Variants in SYNDIG1L observed in about 807,000 individuals in gnomAD.
SYNDIG1L encodes the protein synapse differentiation-inducing gene protein 1-like.
SYNDIG1L carries 13 observed loss-of-function variants against 20.1 expected under a neutral mutation model. The observed-to-expected ratio is 0.65, with a 90% CI of 0.42 to 1.03. The LOEUF is 1.03. SYNDIG1L is among the 50% of genes least tolerant of loss of function. The probability of loss-of-function intolerance (pLI) is 0.00; values close to 1 mark genes in which losing one functional copy is unlikely to be tolerated. For synonymous variants in SYNDIG1L, 128 were observed against 129.3 expected, an observed-to-expected ratio of 0.99 and a Z score of 0.07; for missense variants, 294 against 305.1, an observed-to-expected ratio of 0.96 and a Z score of 0.27.
the SYNDIG1L span, among the ~76,000 whole-genome samples, chr14:74,453,113 A>C: frequency 6.6e-6 from 1 of 152,050 alleles, no homozygotes; most frequent in African/African-American, 2.4e-5. Flanking sequence ...TTGGGAGCAC[A>C]AGGCAGGTGG....
At chr14:74,470,687 C>G in the SYNDIG1L span, among the ~76,000 whole-genome samples, 2 of 152,176 alleles carry the variant, frequency 1.3e-5, no homozygotes, top group Non-Finnish European at 1.5e-5. Flanking sequence ...CATCTCAGCC[C>G]CTGCTGAAAA....
the SYNDIG1L span, among the ~76,000 whole-genome samples, chr14:74,457,964 A>AT: frequency 6.6e-5 from 10 of 151,240 alleles, no homozygotes; most frequent in African/African-American, 1.5e-4. Flanking sequence ...TGCCTAGCTA[A>AT]TTTTTTTTTA....
the SYNDIG1L span, among the ~76,000 whole-genome samples, chr14:74,446,111 A>G: frequency 6.6e-6 from 1 of 152,200 alleles, no homozygotes; most frequent in Admixed American, 6.5e-5. Flanking sequence ...GCAAGAAAGT[A>G]AGGAATTTAA....
chr14:74,429,004 A>G (rs1022604540), upstream of SYNDIG1L, among the ~76,000 whole-genome samples: 2 of 152,222 alleles, frequency 1.3e-5, no homozygotes, highest in African/African-American at 4.8e-5. Context: ...GCTTAGCACC[A>G]TAGCCCCTCA....
chr14:74,406,275 G>A lies in SYNDIG1L; in HGVS notation c.*1260C>T. The A allele has an allele frequency of 2.5e-6, 1 of 394,788 alleles. No homozygotes were observed. The highest frequency in any genetic ancestry group is 4.5e-6 in the Non-Finnish European group (1 of 224,258). The allele number at this position is 394,788 out of a possible 1,614,324, so 24.5% of individuals were successfully genotyped here. On this transcript the variant is annotated 3_prime_UTR_variant, in exon 4 of 4. Transcript: ENST00000331628. ...CCAGGTACCCACCACTGACCCCCTA[G>A]CATTCAGAGATGGGAAAACATCATT...
chr14:74,468,564 C>T, the SYNDIG1L span, among the ~76,000 whole-genome samples: 5 of 152,236 alleles, frequency 3.3e-5, no homozygotes, highest in African/African-American at 1.2e-4. Flanking sequence ...CTGCATGGAC[C>T]CTGTGTTCCA....
At chr14:74,413,594 T>C (rs2086150395) in intron 1 of SYNDIG1L, among the ~76,000 whole-genome samples, 1 of 150,218 alleles carries the variant, frequency 6.7e-6, no homozygotes, top group African/African-American at 2.5e-5. Flanking sequence ...TTTTTTCTGT[T>C]TTCCACATTT....
chr14:74,413,489 G>A lies in SYNDIG1L; in HGVS notation c.-57-3688C>T, dbSNP rs917849217. Among the ~76,000 whole-genome samples the A allele has an allele frequency of 1.3e-5, 2 of 152,178 alleles. 1 individual carries two copies. Among genetic ancestry groups the A allele is most frequent in the South Asian group, 4.1e-4 (2 of 4,836 alleles). On this transcript the variant is annotated intron_variant, in intron 1 of 3. Coordinates refer to ENST00000331628, the MANE Select transcript of SYNDIG1L (RefSeq NM_001105579.2). ...TCGGTGAGAAAGAAGAAAAGAAAAT[G>A]GTAAATGCATGTAATCTCAACTCCG...
At chr14:74,413,086 G>C (rs1479773119) in intron 1 of SYNDIG1L, among the ~76,000 whole-genome samples, 6 of 152,172 alleles carry the variant, frequency 3.9e-5, no homozygotes, top group African/African-American at 1.2e-4. Flanking sequence ...AAGACCATAG[G>C]GGCATTTGAA....
chr14:74,435,354 C>T, the SYNDIG1L span, among the ~76,000 whole-genome samples: 1 of 152,192 alleles, frequency 6.6e-6, no homozygotes, highest in African/African-American at 2.4e-5. Context: ...GCACAGTGTA[C>T]AAAGGCTGCT....
At chr14:74,450,664 A>C in the SYNDIG1L span, among the ~76,000 whole-genome samples, 5 of 152,184 alleles carry the variant, frequency 3.3e-5, no homozygotes, top group East Asian at 7.7e-4. Flanking sequence ...AGAACATAAC[A>C]ATTCCAGACA....
At chr14:74,432,140 G>GGTGTGTGTGT in the SYNDIG1L span, among the ~76,000 whole-genome samples, 210 of 121,056 alleles carry the variant, frequency 1.7e-3, 1 homozygote, top group South Asian at 6.7e-3. Context: ...TGCCTTGGAA[G>GGTGTGTGTGT]GTGTGTGTGT....
the SYNDIG1L span, among the ~76,000 whole-genome samples, chr14:74,452,745 T>C: frequency 6.6e-6 from 1 of 152,196 alleles, no homozygotes; most frequent in South Asian, 2.1e-4. Flanking sequence ...TATTTACCCA[T>C]GGGAAAAGAA....
intron 1 of SYNDIG1L, among the ~76,000 whole-genome samples, chr14:74,420,389 T>C (rs1178239025): frequency 2.3e-4 from 14 of 61,340 alleles, no homozygotes; most frequent in African/African-American, 1.0e-3. Flanking sequence ...TGAGACTCTG[T>C]CAAAAAAAAA....
the SYNDIG1L span, among the ~76,000 whole-genome samples, chr14:74,461,240 G>A: frequency 6.6e-6 from 1 of 152,182 alleles, no homozygotes; most frequent in Non-Finnish European, 1.5e-5. Flanking sequence ...GAGCCACCGC[G>A]CCCGTCCATC....
chr14:74,440,896 TTG>T, the SYNDIG1L span, among the ~76,000 whole-genome samples: 1 of 152,186 alleles, frequency 6.6e-6, no homozygotes, highest in East Asian at 1.9e-4. Flanking sequence ...CATAGAGCAT[TTG>T]GAGATAAGTC....
chr14:74,460,008 T>G, the SYNDIG1L span, among the ~76,000 whole-genome samples: 34 of 152,134 alleles, frequency 2.2e-4, no homozygotes, highest in Non-Finnish European at 3.7e-4. Flanking sequence ...CATTCAAAAT[T>G]TCCCCTGGAC....
chr14:74,423,562 C>T (rs770486630), intron 1 of SYNDIG1L, among the ~76,000 whole-genome samples: 1 of 152,068 alleles, frequency 6.6e-6, no homozygotes, highest in Non-Finnish European at 1.5e-5. Flanking sequence ...AATAATTCGG[C>T]GAGGTCACTG....
chr14:74,457,739 T>G, the SYNDIG1L span, among the ~76,000 whole-genome samples: 12 of 151,952 alleles, frequency 7.9e-5, no homozygotes, highest in Admixed American at 4.6e-4. Context: ...CTCTTGCCTC[T>G]CTCCAAAGCT....
Sources: allele counts gnomAD v4.1 joint callset (sites outside exome capture counted in the v4.1 genomes callset), GRCh38; gene constraint gnomAD v4.1.1; transcripts MANE v1.5; gene names NCBI Gene and HGNC (gene_info 2026-07-23, HGNC 2026-07-21).